GRIP1: variants seen among roughly 807,000 people sequenced by gnomAD.
GRIP1 encodes the protein glutamate receptor-interacting protein 1.
GRIP1 carries 45 observed loss-of-function variants against 129.9 expected under a neutral mutation model. The ratio of observed to expected loss-of-function variants is 0.35; its 90% CI spans 0.27 to 0.44. The LOEUF is 0.44. Among genes scored for constraint, GRIP1 ranks in the 20% least tolerant of loss-of-function variants. GRIP1 has a pLI of 1.00. For synonymous variants in GRIP1, 530 were observed against 520.8 expected, an observed-to-expected ratio of 1.02 and a Z score of -0.24; for missense variants, 1,196 against 1,396.8, an observed-to-expected ratio of 0.86 and a Z score of 2.29.
intron 1 of GRIP1, among the ~76,000 whole-genome samples, chr12:67,036,261 TCA>T (rs139915486): frequency 0.011 from 1,653 of 152,208 alleles, 62 homozygotes; most frequent in East Asian, 0.094. Context: ...TGAGAATAGA[TCA>T]CAGTTCTTTC....
intron 1 of GRIP1, among the ~76,000 whole-genome samples, chr12:66,780,899 A>G (rs952163236): frequency 1.3e-5 from 2 of 152,188 alleles, no homozygotes; most frequent in Non-Finnish European, 2.9e-5. Flanking sequence ...GAATACCTGC[A>G]TGTGCTAGAA....
At chr12:66,583,747 G>A (rs2063499904) in intron 2 of GRIP1, among the ~76,000 whole-genome samples, 1 of 137,744 alleles carries the variant, frequency 7.3e-6, no homozygotes, top group African/African-American at 2.7e-5. Context: ...TCATTAAAAA[G>A]TCAGGAAACA....
intron 1 of GRIP1, among the ~76,000 whole-genome samples, chr12:66,821,029 T>C (rs1205027303): frequency 2.0e-5 from 3 of 152,198 alleles, no homozygotes; most frequent in African/African-American, 7.2e-5. Flanking sequence ...TATGTCAGTA[T>C]AGGTTCCTCA....
intron 7 of GRIP1, among the ~76,000 whole-genome samples, chr12:66,508,660 T>A (rs988739087): frequency 2.0e-5 from 3 of 152,020 alleles, no homozygotes; most frequent in Non-Finnish European, 4.4e-5. Flanking sequence ...TTGGGAAAAA[T>A]ATTTTAGTTA....
At chr12:66,880,795 T>G (rs1458974942) in intron 1 of GRIP1, among the ~76,000 whole-genome samples, 1 of 152,136 alleles carries the variant, frequency 6.6e-6, no homozygotes. Flanking sequence ...TTAACCGACC[T>G]GTACATTTAT....
Position 66,678,867 on chromosome 12 carries a change from A to T in GRIP1, c.38T>A (p.Leu13Gln), listed in dbSNP as rs891750791. ...CACGATACCTTTAGTAAGTCGCCTCAGAATTTGACAACGGCATTTAAAAGA... is the reference window on the plus strand; with the variant it reads ...CACGATACCTTTAGTAAGTCGCCTCTGAATTTGACAACGGCATTTAAAAGA... ...AVSFKCRCQILRRLTKDESPY... is the reference protein window; with the variant it reads ...AVSFKCRCQIQRRLTKDESPY... Residue 13 changes from leucine to glutamine, a missense_variant, in exon 1 of 25, where the codon CTG (leucine) becomes CAG (glutamine). Physicochemically the swap from Leu to Gln is moderately radical, Grantham distance 113. This residue lies in a region of GRIP1 where 217 missense variants were observed against 224.8 expected (regional missense o/e 0.97). Coordinates refer to ENST00000359742, the MANE Select transcript of GRIP1 (RefSeq NM_001366722.1). The T allele has an allele frequency of 3.7e-6, 6 of 1,613,364 alleles. No homozygotes were observed. In the African/African-American group the frequency reaches 4.0e-5, roughly 11 times the overall value.
chr12:66,792,676 A>G (rs1354520975), intron 1 of GRIP1, among the ~76,000 whole-genome samples: 1 of 152,200 alleles, frequency 6.6e-6, no homozygotes, highest in African/African-American at 2.4e-5. Context: ...TAAATAAAAT[A>G]TTGCAATTTC....
At chr12:66,951,730 A>AG (rs1461621792) in intron 1 of GRIP1, among the ~76,000 whole-genome samples, 4 of 152,168 alleles carry the variant, frequency 2.6e-5, no homozygotes, top group African/African-American at 4.8e-5. Context: ...GCGTATCTGG[A>AG]GAGGTACATA....
intron 1 of GRIP1, among the ~76,000 whole-genome samples, chr12:66,783,377 C>T (rs779562428): frequency 6.6e-6 from 1 of 152,084 alleles, no homozygotes; most frequent in Non-Finnish European, 1.5e-5. Flanking sequence ...AAAAAAAGTG[C>T]ATAGTTTGTT....
intron 1 of GRIP1, among the ~76,000 whole-genome samples, chr12:66,728,057 G>A (rs2036312396): frequency 6.6e-6 from 1 of 152,100 alleles, no homozygotes; most frequent in Non-Finnish European, 1.5e-5. Flanking sequence ...AAGACCAGAT[G>A]CTAGAAAGAC....
intron 1 of GRIP1, among the ~76,000 whole-genome samples, chr12:66,690,371 T>TACACACACAC (rs112206335): frequency 1.4e-5 from 2 of 147,794 alleles, no homozygotes; most frequent in African/African-American, 5.0e-5. Flanking sequence ...TCAATAATAT[T>TACACACACAC]ACACACACAC....
intron 1 of GRIP1, among the ~76,000 whole-genome samples, chr12:67,064,172 A>C (rs1433323102): frequency 1.3e-5 from 2 of 152,198 alleles, no homozygotes; most frequent in Non-Finnish European, 2.9e-5. Context: ...TACCTTGCAA[A>C]AGCCTTGTCA....
intron 1 of GRIP1, among the ~76,000 whole-genome samples, chr12:66,668,756 C>T (rs956804968): frequency 1.5e-4 from 22 of 149,750 alleles, no homozygotes; most frequent in African/African-American, 5.4e-4. Flanking sequence ...CATAGGGAGA[C>T]CTCATCACTA....
intron 1 of GRIP1, among the ~76,000 whole-genome samples, chr12:66,762,723 A>G (rs548252834): frequency 6.6e-6 from 1 of 152,312 alleles, no homozygotes; most frequent in East Asian, 1.9e-4. Context: ...CCCTCCAGGA[A>G]ACTCATATTT....
At chr12:66,866,326 A>G (rs1252264) in intron 1 of GRIP1, among the ~76,000 whole-genome samples, 38,830 of 151,992 alleles carry the variant, frequency 0.26, 6,042 homozygotes, top group Non-Finnish European at 0.34. Context: ...ATAAAAAGTT[A>G]GCCAAGTGTA....
intron 1 of GRIP1, among the ~76,000 whole-genome samples, chr12:66,942,450 C>T (rs2137453164): frequency 6.6e-6 from 1 of 152,270 alleles, no homozygotes; most frequent in African/African-American, 2.4e-5. Context: ...CCCGTACATA[C>T]AAATGACCAA....
chr12:66,473,741 C>CTGG (rs963562965), intron 7 of GRIP1, among the ~76,000 whole-genome samples: 1 of 152,168 alleles, frequency 6.6e-6, no homozygotes, highest in African/African-American at 2.4e-5. Context: ...GCAGAGGGGC[C>CTGG]TGGCTGTTAG....
intron 23 of GRIP1, among the ~76,000 whole-genome samples, chr12:66,368,367 C>A: frequency 6.6e-6 from 1 of 152,150 alleles, no homozygotes. Flanking sequence ...AACAGGCGCA[C>A]CACTTGTTCT....
intron 11 of GRIP1, among the ~76,000 whole-genome samples, chr12:66,450,066 C>A (rs1029297779): frequency 6.6e-6 from 1 of 151,064 alleles, no homozygotes; most frequent in Non-Finnish European, 1.5e-5. Context: ...TTTGGGAGGC[C>A]GAGTCGGGCG....
Sources: allele counts gnomAD v4.1 joint callset (sites outside exome capture counted in the v4.1 genomes callset), GRCh38; gene constraint gnomAD v4.1.1; regional missense constraint gnomAD v4.1.1; transcripts MANE v1.5; gene names NCBI Gene and HGNC (gene_info 2026-07-23, HGNC 2026-07-21).